The following XKR4 variants were observed in gnomAD, a reference collection of about 807,000 sequenced individuals.
XKR4 encodes XK related 4.
A neutral mutation model predicts 53.9 loss-of-function variants in XKR4; 12 were observed. That is an observed-to-expected ratio of 0.22 (90% CI 0.14 to 0.36). The LOEUF (loss-of-function observed/expected upper bound fraction) is 0.36, where lower values mean the gene tolerates loss of function less well. XKR4 is among the 10% of genes least tolerant of loss of function. The pLI, the probability that XKR4 is intolerant of heterozygous loss-of-function variation, is 1.00. For missense variants in XKR4, 799 were observed against 859.5 expected (o/e 0.93, Z 0.88); for synonymous variants, 354 against 362.4 (o/e 0.98, Z 0.26).
intron 1 of XKR4, among the ~76,000 whole-genome samples, chr8:55,314,049 T>C (rs549986680): frequency 6.6e-6 from 1 of 152,176 alleles, no homozygotes; most frequent in Non-Finnish European, 1.5e-5. Context: ...CTAAAATAAA[T>C]GTATCTGAGC....
At chr8:55,234,353 T>C (rs1818090762) in intron 1 of XKR4, among the ~76,000 whole-genome samples, 1 of 152,222 alleles carries the variant, frequency 6.6e-6, no homozygotes, top group African/African-American at 2.4e-5. Context: ...ACCTCGAACA[T>C]ATTTTTCACT....
chr8:55,377,921 A>G (rs1159993176), intron 2 of XKR4, among the ~76,000 whole-genome samples: 1 of 152,186 alleles, frequency 6.6e-6, no homozygotes, highest in Non-Finnish European at 1.5e-5. Flanking sequence ...CTCTCCTAAC[A>G]CTCATAAAGA....
intron 1 of XKR4, among the ~76,000 whole-genome samples, chr8:55,322,700 G>T (rs1339685391): frequency 6.6e-6 from 1 of 152,106 alleles, no homozygotes; most frequent in Non-Finnish European, 1.5e-5. Flanking sequence ...ATCTCATTAA[G>T]ATCTTAATTT....
chr8:55,181,013 C>A (rs1343468085), intron 1 of XKR4, among the ~76,000 whole-genome samples: 1 of 152,096 alleles, frequency 6.6e-6, no homozygotes, highest in Non-Finnish European at 1.5e-5. Flanking sequence ...ATTGAGGAAT[C>A]CATTGAATTA....
intron 2 of XKR4, among the ~76,000 whole-genome samples, chr8:55,410,644 T>C (rs1804763086): frequency 6.6e-6 from 1 of 151,118 alleles, no homozygotes; most frequent in Admixed American, 6.6e-5. Flanking sequence ...TCCGTCCCCA[T>C]TTGCCCCTGC....
chr8:55,443,003 C>T (rs558938259), intron 2 of XKR4, among the ~76,000 whole-genome samples: 2 of 152,242 alleles, frequency 1.3e-5, no homozygotes, highest in East Asian at 3.9e-4. Flanking sequence ...ATCACAAGAA[C>T]ATTAATCACT....
rs1329664425 is a variant in XKR4 at position 55,536,634 on chromosome 8, G to A, written c.*12407G>A. 1 of 152,226 alleles carries A rather than the reference G, an allele frequency of 6.6e-6. No homozygotes were observed. Among genetic ancestry groups the A allele is most frequent in the East Asian group, 1.9e-4 (1 of 5,204 alleles). 9.4% of individuals were successfully genotyped at this position (152,226 alleles called of 1,614,324 possible). ...GTAAGTAATGGAATTGAACTTTCTT[G>A]CGCCGTAAGCAATTGCTGGTCATAT... On this transcript the variant is annotated 3_prime_UTR_variant, in exon 3 of 3. Coordinates refer to ENST00000327381, the MANE Select transcript of XKR4 (RefSeq NM_052898.2).
intron 1 of XKR4, among the ~76,000 whole-genome samples, chr8:55,145,430 C>A (rs200603831): frequency 1.3e-5 from 2 of 149,724 alleles, no homozygotes; most frequent in Admixed American, 6.6e-5. Flanking sequence ...AATTTTTTCT[C>A]AAAAAAAAAA....
chr8:55,113,539 A>G (rs1816262274), intron 1 of XKR4, among the ~76,000 whole-genome samples: 1 of 152,202 alleles, frequency 6.6e-6, no homozygotes, highest in Admixed American at 6.5e-5. Context: ...TTGAGTTGTG[A>G]TAATGGTCAG....
chr8:55,441,795 T>C (rs551586594), intron 2 of XKR4, among the ~76,000 whole-genome samples: 2 of 152,116 alleles, frequency 1.3e-5, no homozygotes, highest in East Asian at 3.9e-4. Context: ...AATTGAAAAA[T>C]AATTTGGATG....
intron 1 of XKR4, among the ~76,000 whole-genome samples, chr8:55,351,386 C>T (rs1013814858): frequency 1.3e-5 from 2 of 152,186 alleles, no homozygotes; most frequent in East Asian, 3.9e-4. Context: ...ATCAGATTAA[C>T]TGTGAGCTCA....
At chr8:55,342,583 C>T (rs896937104) in intron 1 of XKR4, among the ~76,000 whole-genome samples, 8 of 152,110 alleles carry the variant, frequency 5.3e-5, no homozygotes, top group African/African-American at 1.9e-4. Flanking sequence ...TCTGCTCCAC[C>T]ACTCATCTCC....
At chr8:55,202,640 CCT>C (rs1387875586) in intron 1 of XKR4, among the ~76,000 whole-genome samples, 3 of 152,172 alleles carry the variant, frequency 2.0e-5, no homozygotes, top group Non-Finnish European at 4.4e-5. Context: ...GGCTCCATGC[CCT>C]GTGCTGGGAT....
chr8:55,323,300 G>A (rs1475973664), intron 1 of XKR4, among the ~76,000 whole-genome samples: 1 of 152,182 alleles, frequency 6.6e-6, no homozygotes, highest in African/African-American at 2.4e-5. Context: ...TGAAGATACA[G>A]AACAGTTCCA....
At chr8:55,389,304 A>C (rs1027021140) in intron 2 of XKR4, among the ~76,000 whole-genome samples, 1 of 152,226 alleles carries the variant, frequency 6.6e-6, no homozygotes, top group Non-Finnish European at 1.5e-5. Flanking sequence ...CAGTAGCCCC[A>C]GAAAACTAAT....
At chr8:55,501,701 T>G (rs1019125536) in intron 2 of XKR4, among the ~76,000 whole-genome samples, 1 of 151,962 alleles carries the variant, frequency 6.6e-6, no homozygotes, top group African/African-American at 2.4e-5. Context: ...TATATATATA[T>G]GTAACATTTT....
intron 2 of XKR4, among the ~76,000 whole-genome samples, chr8:55,424,259 G>A (rs565102828): frequency 1.3e-4 from 20 of 152,250 alleles, no homozygotes; most frequent in African/African-American, 3.1e-4. Context: ...TCCTCTATGC[G>A]TTACAAAAAG....
At chr8:55,285,456 A>G (rs1818895321) in intron 1 of XKR4, among the ~76,000 whole-genome samples, 1 of 152,182 alleles carries the variant, frequency 6.6e-6, no homozygotes, top group South Asian at 2.1e-4. Flanking sequence ...TGAATGAAGA[A>G]TTGAATTAAT....
At chr8:55,506,399 A>G (rs112327976) in intron 2 of XKR4, among the ~76,000 whole-genome samples, 4 of 152,206 alleles carry the variant, frequency 2.6e-5, no homozygotes, top group African/African-American at 9.7e-5. Context: ...GATCAGGCAC[A>G]CACTATAGAC....
Sources: gnomAD v4.1 joint callset for allele counts (sites outside exome capture counted in the v4.1 genomes callset) on GRCh38, gnomAD v4.1.1 for gene constraint, MANE v1.5 for transcripts, NCBI Gene and HGNC (gene_info 2026-07-23, HGNC 2026-07-21) for gene names.